The following DLC1 variants were observed in gnomAD, a reference collection of about 807,000 sequenced individuals.
The protein encoded by DLC1 is rho GTPase-activating protein 7.
DLC1 carries 54 observed loss-of-function variants against 140.3 expected under a neutral mutation model. That is an observed-to-expected ratio of 0.38 (90% confidence interval 0.31 to 0.48). The LOEUF (loss-of-function observed/expected upper bound fraction) is 0.48. Among genes scored for constraint, DLC1 ranks in the 20% least tolerant of loss-of-function variants. The pLI, the probability that DLC1 is intolerant of heterozygous loss-of-function variation, is 0.96. For synonymous variants in DLC1, 986 were observed against 728.1 expected (o/e 1.35, Z -5.70); for missense variants, 2,536 against 1,907.0 (o/e 1.33, Z -6.14).
chr8:13,338,669 C>T (rs548492289), intron 4 of DLC1: 119 of 152,322 alleles, frequency 7.8e-4, no homozygotes, highest in African/African-American at 2.9e-3. Flanking sequence ...CCCCACACCT[C>T]ATCTGTACGT....
intron 5 of DLC1, among the ~76,000 whole-genome samples, chr8:13,247,661 C>T (rs1352456856): frequency 1.3e-5 from 2 of 152,156 alleles, no homozygotes; most frequent in Non-Finnish European, 2.9e-5. Flanking sequence ...GATACCGTTT[C>T]CCATAACCAC....
intron 4 of DLC1, among the ~76,000 whole-genome samples, chr8:13,315,473 C>G (rs1401612851): frequency 6.6e-6 from 1 of 152,184 alleles, no homozygotes; most frequent in Non-Finnish European, 1.5e-5. Flanking sequence ...AGGTACATGT[C>G]TGAATCTATC....
chr8:13,154,713 G>A (rs936157742), intron 5 of DLC1, among the ~76,000 whole-genome samples: 2 of 152,194 alleles, frequency 1.3e-5, no homozygotes, highest in Non-Finnish European at 2.9e-5. Context: ...CTGAGGAGGC[G>A]CCGAGAGCGA....
At chr8:13,446,536 A>C (rs546143137) in intron 2 of DLC1, among the ~76,000 whole-genome samples, 42 of 151,750 alleles carry the variant, frequency 2.8e-4, no homozygotes, top group Middle Eastern at 6.8e-3. Flanking sequence ...TGTACATAGA[A>C]AGAAGGAGAG....
intron 2 of DLC1, among the ~76,000 whole-genome samples, chr8:13,444,708 C>T (rs766590429): frequency 6.6e-6 from 1 of 152,144 alleles, no homozygotes; most frequent in Non-Finnish European, 1.5e-5. Flanking sequence ...TCACACTGTG[C>T]TGTTTTTTAA....
In DLC1 at chr8:13,153,454, G is replaced by A. The variant is rs146908109; in HGVS notation, c.1349-37797C>T. 4.5e-3 allele frequency among the ~76,000 whole-genome samples: 678 copies of A among 152,306 alleles called. 3 individuals are homozygous for A. The highest frequency in any genetic ancestry group is 0.015 in the African/African-American group (632 of 41,572). On this transcript the variant is annotated intron_variant, in intron 5 of 17. Coordinates refer to ENST00000276297, the MANE Select transcript of DLC1 (RefSeq NM_182643.3). ...AGAGCGAGCAGCAGCAAGATTTAATGCAGAAACTTAAAAACACCAAAGCTT... is the reference window on the plus strand; with the variant it reads ...AGAGCGAGCAGCAGCAAGATTTAATACAGAAACTTAAAAACACCAAAGCTT...
intron 1 of DLC1, among the ~76,000 whole-genome samples, chr8:13,523,641 A>G (rs1264261335): frequency 6.6e-6 from 1 of 152,206 alleles, no homozygotes; most frequent in Non-Finnish European, 1.5e-5. Context: ...ATTGGCTATT[A>G]GATTTAAGAA....
At chr8:13,397,057 C>T (rs545476991) in intron 3 of DLC1, among the ~76,000 whole-genome samples, 7 of 152,016 alleles carry the variant, frequency 4.6e-5, no homozygotes, top group Non-Finnish European at 8.8e-5. Flanking sequence ...GAATATAGAG[C>T]TCTCTGTGGG....
intron 5 of DLC1, 95 bp downstream of exon 5, chr8:13,305,174 G>A: frequency 6.6e-7 from 1 of 1,520,344 alleles, no homozygotes; most frequent in South Asian, 1.3e-5. Context: ...TTCATGAGAT[G>A]TATACATTTT....
chr8:13,535,217 C>G (rs1183205140), intron 1 of DLC1, among the ~76,000 whole-genome samples: 2 of 151,894 alleles, frequency 1.3e-5, no homozygotes, highest in African/African-American at 4.8e-5. Context: ...GGACAAGGGT[C>G]TAAATAGTCA....
chr8:13,578,257 C>T (rs1010323487), intron 1 of DLC1, among the ~76,000 whole-genome samples: 4 of 152,164 alleles, frequency 2.6e-5, no homozygotes, highest in Non-Finnish European at 4.4e-5. Flanking sequence ...TTTTCATCCC[C>T]AGCCACATGT....
At chr8:13,475,635 C>T (rs558009531) in intron 2 of DLC1, among the ~76,000 whole-genome samples, 3 of 152,280 alleles carry the variant, frequency 2.0e-5, no homozygotes, top group African/African-American at 4.8e-5. Context: ...AAACTCTCTT[C>T]CAGAGGAGAT....
intron 1 of DLC1, among the ~76,000 whole-genome samples, chr8:13,526,295 G>A (rs982101904): frequency 6.6e-6 from 1 of 152,002 alleles, no homozygotes; most frequent in African/African-American, 2.4e-5. Flanking sequence ...GGATAATCTA[G>A]GGCCATTGTA....
intron 4 of DLC1, among the ~76,000 whole-genome samples, chr8:13,387,513 C>T (rs1309332617): frequency 6.6e-6 from 1 of 151,680 alleles, no homozygotes; most frequent in African/African-American, 2.4e-5. Flanking sequence ...GTTTCATTAC[C>T]TCTCACTAAT....
At position 13,551,047 on chromosome 8, in the gene DLC1, A is replaced by AACACACACACACAC. The variant is rs1554542230; in HGVS notation, c.-125-50865_-125-50852dup. On this transcript the variant is annotated intron_variant, in intron 1 of 1. Transcript: ENST00000631382. ...TAACAGCACTCCTCAGATTTCTTTA[A>AACACACACACACAC]ACACACACACACACACACACACACA... Among the ~76,000 whole-genome samples, 37 of 123,050 alleles carry AACACACACACACAC rather than the reference A, an allele frequency of 3.0e-4. 1 individual carries two copies. The highest frequency in any genetic ancestry group is 9.5e-4 in the African/African-American group (31 of 32,584). 80.7% of individuals were successfully genotyped at this position (123,050 alleles called of 152,430 possible).
chr8:13,571,871 T>C (rs893841811), intron 1 of DLC1, among the ~76,000 whole-genome samples: 1 of 152,182 alleles, frequency 6.6e-6, no homozygotes, highest in African/African-American at 2.4e-5. Context: ...CAACACTTTT[T>C]ATTTTCCCCT....
At position 13,523,829 on chromosome 8, in the gene DLC1, A is replaced by G. The variant is rs147082495; in HGVS notation, c.-125-23633T>C. ...GCTTTTATTAGGATGGAAGAATAACAGTATATTTGCAAAATTTTGTTCTGT... is the reference window on the plus strand; with the variant it reads ...GCTTTTATTAGGATGGAAGAATAACGGTATATTTGCAAAATTTTGTTCTGT... On this transcript the variant is annotated intron_variant, in intron 1 of 1. Coordinates refer to the DLC1 transcript ENST00000631382. 3.5e-3 allele frequency among the ~76,000 whole-genome samples: 527 copies of G among 152,210 alleles called. 4 individuals carry two copies. The highest frequency in any genetic ancestry group is 4.0e-3 in the Non-Finnish European group (270 of 68,012).
intron 2 of DLC1, among the ~76,000 whole-genome samples, chr8:13,482,650 T>C (rs1800789058): frequency 6.6e-6 from 1 of 152,188 alleles, no homozygotes; most frequent in African/African-American, 2.4e-5. Context: ...TTGAGAGATA[T>C]TAGGTAGAAC....
At chr8:13,184,229 G>T (rs993329440) in intron 5 of DLC1, among the ~76,000 whole-genome samples, 1 of 151,972 alleles carries the variant, frequency 6.6e-6, no homozygotes, top group South Asian at 2.1e-4. Context: ...AGTCTTGCTA[G>T]CTGTCTATCA....
Sources: allele counts gnomAD v4.1 joint callset (sites outside exome capture counted in the v4.1 genomes callset), GRCh38; gene constraint gnomAD v4.1.1; transcripts MANE v1.5; gene names NCBI Gene and HGNC (gene_info 2026-07-23, HGNC 2026-07-21).